The following MTMR3 variants were observed in gnomAD, a reference collection of about 807,000 sequenced individuals.
MTMR3 encodes myotubularin related protein 3.
In MTMR3, 32 loss-of-function variants were observed where a neutral mutation model predicts 132.4. The ratio of observed to expected loss-of-function variants is 0.24; its 90% CI spans 0.18 to 0.32. The LOEUF (loss-of-function observed/expected upper bound fraction) is 0.32, where lower values mean the gene tolerates loss of function less well. Ranked by LOEUF, MTMR3 falls within the 10% of genes least tolerant of loss-of-function variation. The pLI is 1.00. For synonymous variants in MTMR3, 556 were observed against 550.3 expected, an observed-to-expected ratio of 1.01 and a Z score of -0.14; for missense variants, 1,216 against 1,489.6, an observed-to-expected ratio of 0.82 and a Z score of 3.02.
chr22:29,953,359 T>C (rs1192979856), intron 1 of MTMR3, among the ~76,000 whole-genome samples: 1 of 152,202 alleles, frequency 6.6e-6, no homozygotes, highest in Non-Finnish European at 1.5e-5. Flanking sequence ...TCTTTTATTA[T>C]ATAAACGGTA....
chr22:29,952,565 T>C (rs972179469), intron 1 of MTMR3, among the ~76,000 whole-genome samples: 5 of 152,190 alleles, frequency 3.3e-5, no homozygotes, highest in African/African-American at 9.6e-5. Flanking sequence ...ATATCACACC[T>C]GACCCTGGAA....
chr22:29,932,683 T>A (rs1364384982), intron 1 of MTMR3, among the ~76,000 whole-genome samples: 1 of 152,208 alleles, frequency 6.6e-6, no homozygotes, highest in African/African-American at 2.4e-5. Context: ...AATGAACTGA[T>A]GTGATGAATG....
At chr22:29,887,332 CT>C (rs1322141814) in intron 1 of MTMR3, among the ~76,000 whole-genome samples, 1 of 152,148 alleles carries the variant, frequency 6.6e-6, no homozygotes, top group African/African-American at 2.4e-5. Context: ...AACTTTTCTA[CT>C]TTTCTAACAG....
rs746676058 is a variant in MTMR3 at position 30,019,809 on chromosome 22, G to A, written c.2150G>A (p.Gly717Asp). The A allele has an allele frequency of 6.2e-7, 1 of 1,614,196 alleles. No homozygotes were observed. Among genetic ancestry groups the A allele is most frequent in the Non-Finnish European group, 8.5e-7 (1 of 1,180,038 alleles). Residue 717 changes from glycine to aspartate, a missense_variant, in exon 17 of 20, where the codon GGT becomes GAT. Around this residue, in one of 7 missense-constraint regions of MTMR3, gnomAD observed 852 missense variants for 852.0 expected, o/e 1.00. Coordinates refer to ENST00000401950, the MANE Select transcript of MTMR3 (RefSeq NM_021090.4). ...AHRAGIEIQEGKEDPLLEKES... is the reference protein window; with the variant it reads ...AHRAGIEIQEDKEDPLLEKES... ...AGGGCAGGCATTGAGATACAGGAGG[G>A]TAAAGAGGACCCTCTCTTAGAAAAG... is the stretch of plus-strand genomic sequence containing the variant.
chr22:30,016,592 A>G lies in MTMR3; in HGVS notation c.1568A>G (p.Glu523Gly), dbSNP rs765311774. The G allele has an allele frequency of 6.2e-7, 1 of 1,614,152 alleles. No individual in the cohort carries two copies. Among genetic ancestry groups the G allele is most frequent in the African/African-American group, 1.3e-5 (1 of 75,020 alleles). ...ACATTCCTGTGCAACAACGCCAAGG[A>G]GAGAGGGGAAAAGCATACTCAGGAA... ...FGTFLCNNAK[E>G]RGEKHTQERT... The change falls in exon 15 of 20, where the codon GAG becomes GGG. Residue 523 changes from glutamate to glycine, a missense_variant. Glu to Gly is a moderately conservative substitution (Grantham distance 98). Around this residue, in one of 7 missense-constraint regions of MTMR3, gnomAD observed 852 missense variants for 852.0 expected, o/e 1.00. Transcript: ENST00000401950.
intron 1 of MTMR3, among the ~76,000 whole-genome samples, chr22:29,888,709 G>A (rs1167837354): frequency 2.0e-5 from 3 of 151,306 alleles, no homozygotes; most frequent in Non-Finnish European, 4.4e-5. Context: ...ACAGATGATA[G>A]CAAGCTTTTC....
At chr22:29,962,910 CTTT>C (rs892383539) in intron 2 of MTMR3, among the ~76,000 whole-genome samples, 5 of 133,582 alleles carry the variant, frequency 3.7e-5, no homozygotes, top group African/African-American at 5.6e-5. Context: ...TCTCTTTTTT[CTTT>C]TTTTTTTTTT....
At chr22:29,946,031 G>T (rs867267254) in intron 1 of MTMR3, among the ~76,000 whole-genome samples, 1 of 151,876 alleles carries the variant, frequency 6.6e-6, no homozygotes, top group Non-Finnish European at 1.5e-5. Context: ...TTGTGTGTGT[G>T]TGTGTGTAAG....
At chr22:29,996,959 ACTC>A (rs1217418373) in intron 7 of MTMR3, 1 of 151,434 alleles carries the variant, frequency 6.6e-6, no homozygotes, top group Non-Finnish European at 1.5e-5. Flanking sequence ...CTGGTCTTGA[ACTC>A]CTGGGCTCAA....
At chr22:29,899,734 A>G (rs1221547098) in intron 1 of MTMR3, 1 of 152,202 alleles carries the variant, frequency 6.6e-6, no homozygotes, top group Admixed American at 6.5e-5. Flanking sequence ...AAACTAACAG[A>G]TGGGAATGGA....
At chr22:29,933,759 CTG>C (rs2065692988) in intron 1 of MTMR3, among the ~76,000 whole-genome samples, 1 of 139,000 alleles carries the variant, frequency 7.2e-6, no homozygotes, top group Non-Finnish European at 1.5e-5. Context: ...TTTTAGGAGA[CTG>C]GGTCTCACTG....
At position 29,898,495 on chromosome 22, in the gene MTMR3, C is replaced by T. The variant is rs773452565; in HGVS notation, c.-138+15136C>T. Among the ~76,000 whole-genome samples, 5 of 152,246 alleles carry T rather than the reference C, an allele frequency of 3.3e-5. No homozygotes were observed. In the South Asian group the frequency reaches 6.2e-4, roughly 19 times the overall value. On this transcript the variant is annotated intron_variant, in intron 1 of 19. Transcript: ENST00000401950. ...ACTGGTCACGGCAGTTTTGACCGCT[C>T]GGGCTCAGTCCATCCTCCCAGCTTA... is the stretch of plus-strand genomic sequence containing the variant.
chr22:29,898,503 G>A (rs561562153), intron 1 of MTMR3, among the ~76,000 whole-genome samples: 1 of 152,244 alleles, frequency 6.6e-6, no homozygotes, highest in Non-Finnish European at 1.5e-5. Context: ...CTCGGGCTCA[G>A]TCCATCCTCC....
intron 1 of MTMR3, among the ~76,000 whole-genome samples, chr22:29,897,416 G>A (rs1156982468): frequency 6.6e-6 from 1 of 151,932 alleles, no homozygotes; most frequent in Non-Finnish European, 1.5e-5. Context: ...TGTCAGATTT[G>A]CTTCAAAGGT....
At chr22:29,909,255 A>T (rs181064354) in intron 1 of MTMR3, among the ~76,000 whole-genome samples, 1 of 152,182 alleles carries the variant, frequency 6.6e-6, no homozygotes, top group East Asian at 1.9e-4. Context: ...TAATTTGAGA[A>T]CACAGATTAT....
rs1051644290 is a variant in MTMR3, at chr22:29,920,108, G to A, written c.-138+36749G>A. 5.3e-5 allele frequency among the ~76,000 whole-genome samples: 8 copies of A among 151,988 alleles called. No individual in the cohort carries two copies. The Middle Eastern group carries it at 0.014, about 258-fold the overall frequency. On this transcript the variant is annotated intron_variant, in intron 1 of 19. Transcript: ENST00000401950. ...ACGTGCCTGTAGTCCCAGCTACTCGGGAGGCTGAGGCAGGAGAATCGCTTG... is the reference window on the plus strand; with the variant it reads ...ACGTGCCTGTAGTCCCAGCTACTCGAGAGGCTGAGGCAGGAGAATCGCTTG...
chr22:29,895,636 C>G (rs1423972063), intron 1 of MTMR3, among the ~76,000 whole-genome samples: 1 of 152,034 alleles, frequency 6.6e-6, no homozygotes, highest in African/African-American at 2.4e-5. Flanking sequence ...AGAATTGGAC[C>G]CTTTCTGTGG....
At chr22:29,943,215 CAG>C (rs1180752640) in intron 1 of MTMR3, among the ~76,000 whole-genome samples, 2 of 151,306 alleles carry the variant, frequency 1.3e-5, no homozygotes, top group East Asian at 1.9e-4. Context: ...TTTTTTGAGA[CAG>C]AGTCTCACTC....
At chr22:29,895,090 C>T (rs1485607247) in intron 1 of MTMR3, among the ~76,000 whole-genome samples, 4 of 152,012 alleles carry the variant, frequency 2.6e-5, no homozygotes, top group Admixed American at 1.3e-4. Context: ...CATCTGTAAT[C>T]CCAGCTACTC....
Sources: allele counts gnomAD v4.1 joint callset (sites outside exome capture counted in the v4.1 genomes callset), GRCh38; gene constraint gnomAD v4.1.1; regional missense constraint gnomAD v4.1.1; transcripts MANE v1.5; gene names NCBI Gene and HGNC (gene_info 2026-07-23, HGNC 2026-07-21).